Variants in INVS observed in about 807,000 individuals in gnomAD.
INVS encodes inversion of embryo turning homolog.
Under a neutral mutation model 108.8 loss-of-function variants are expected in INVS, and 86 were observed. The observed-to-expected ratio is 0.79, with a 90% CI of 0.66 to 0.95. INVS has a LOEUF of 0.95. Ranked by LOEUF, INVS falls within the 40% of genes least tolerant of loss-of-function variation. The pLI, the probability that INVS is intolerant of heterozygous loss-of-function variation, is 0.00. For synonymous variants in INVS, 455 were observed against 473.5 expected (o/e 0.96, Z 0.51); for missense variants, 1,169 against 1,297.4 (o/e 0.90, Z 1.52).
intron 3 of INVS, among the ~76,000 whole-genome samples, chr9:100,133,704 G>C (rs1488586551): frequency 6.8e-6 from 1 of 147,442 alleles, no homozygotes; most frequent in Non-Finnish European, 1.5e-5. Flanking sequence ...CAACATTTTT[G>C]TTGAGAATGT....
chr9:100,252,774 G>A, intron 9 of INVS, 133 bp from the exon 10 acceptor site: 1 of 730,640 alleles, frequency 1.4e-6, no homozygotes, highest in South Asian at 1.6e-5. Flanking sequence ...AAGCATTAAA[G>A]GAACAATTGT....
At position 100,151,998 on chromosome 9, in the gene INVS, A is replaced by G. The variant is rs146406541; in HGVS notation, c.273+25449A>G. On this transcript the variant is annotated intron_variant, in intron 3 of 16. Transcript: ENST00000262457. Reference sequence around the variant, plus strand: ...ACTGCCTAAACTACGTCCTATATTAATATGGCCGTGGTTGTTGGACCCAAA... The same window carrying G: ...ACTGCCTAAACTACGTCCTATATTAGTATGGCCGTGGTTGTTGGACCCAAA... Among the ~76,000 whole-genome samples the G allele has an allele frequency of 8.0e-4, 122 of 152,320 alleles. 1 individual carries two copies. Among genetic ancestry groups the G allele is most frequent in the East Asian group, 7.7e-4 (4 of 5,184 alleles).
Position 100,292,622 on chromosome 9 carries a change from G to GC in INVS, c.2371dup (p.Gln791ProfsTer19), listed in dbSNP as rs754507591. 7.4e-6 allele frequency: 12 copies of GC among 1,614,138 alleles called. No individual in the cohort carries two copies. In the South Asian group the frequency reaches 8.8e-5, roughly 12 times the overall value. ...TGACACAGAACCCAAGGCCAAATGT[G>GC]CCCCCCAGAAAAGGCGCACTCAAGA... On this transcript the variant is annotated frameshift_variant, in exon 14 of 17. Transcript: ENST00000262457. LOFTEE classifies it high-confidence loss of function.
intron 3 of INVS, among the ~76,000 whole-genome samples, chr9:100,157,764 G>A (rs1388340609): frequency 6.6e-6 from 1 of 152,148 alleles, no homozygotes; most frequent in African/African-American, 2.4e-5. Flanking sequence ...AATTCCTGCA[G>A]TTCCTTACAT....
At chr9:100,129,949 A>T (rs948600363) in intron 3 of INVS, 17 of 418,776 alleles carry the variant, frequency 4.1e-5, no homozygotes, top group African/African-American at 2.4e-4. Context: ...TCTGGATACA[A>T]ATTCCTCACA....
At chr9:100,152,095 T>G (rs1339239468) in intron 3 of INVS, among the ~76,000 whole-genome samples, 2 of 152,200 alleles carry the variant, frequency 1.3e-5, no homozygotes, top group African/African-American at 4.8e-5. Context: ...ATTGTATCCT[T>G]TGTTCCTCCA....
chr9:100,210,260 A>G (rs756289311), intron 3 of INVS, among the ~76,000 whole-genome samples: 2 of 152,158 alleles, frequency 1.3e-5, no homozygotes, highest in Non-Finnish European at 2.9e-5. Flanking sequence ...GCATGTAATA[A>G]GTGGATCCAA....
At position 100,292,534 on chromosome 9, in the gene INVS, C is replaced by T; in HGVS notation, c.2277C>T (p.Asp759=). The change falls in exon 14 of 17, where the codon GAC becomes GAT. Residue 759 remains aspartate (D), a synonymous_variant. Coordinates refer to ENST00000262457, the MANE Select transcript of INVS (RefSeq NM_014425.5). The part of the protein sequence containing the change: ...RVAGPDEKGE[D]SRRAAASLPP... ...CTGGGCCTGATGAGAAAGGAGAGGA[C>T]TCCAGGCGGGCAGCTGCAAGCCTTC... The T allele has an allele frequency of 6.2e-7, 1 of 1,614,164 alleles. No individual in the cohort carries two copies. Among genetic ancestry groups the T allele is most frequent in the Non-Finnish European group, 8.5e-7 (1 of 1,180,028 alleles).
At chr9:100,230,591 T>C (rs989571374) in intron 5 of INVS, among the ~76,000 whole-genome samples, 7 of 152,338 alleles carry the variant, frequency 4.6e-5, no homozygotes, top group Middle Eastern at 3.4e-3. Flanking sequence ...TGATCTCGGC[T>C]TACTGCAGCC....
At chr9:100,237,520 T>G (rs2118478970) in intron 5 of INVS, among the ~76,000 whole-genome samples, 1 of 152,168 alleles carries the variant, frequency 6.6e-6, no homozygotes, top group East Asian at 1.9e-4. Context: ...AGTCTGAAGG[T>G]TCTAAAAACC....
intron 2 of INVS, among the ~76,000 whole-genome samples, chr9:100,119,909 A>G (rs1043625081): frequency 2.0e-5 from 3 of 152,168 alleles, no homozygotes; most frequent in Non-Finnish European, 4.4e-5. Context: ...TTGTTTCTCT[A>G]TATGCACATT....
At chr9:100,126,799 T>C (rs1459642068) in intron 3 of INVS, among the ~76,000 whole-genome samples, 1 of 152,128 alleles carries the variant, frequency 6.6e-6, no homozygotes. Context: ...AAAAAAGTGA[T>C]CAAATTTATA....
chr9:100,224,401 A>G (rs763848772), intron 3 of INVS, among the ~76,000 whole-genome samples: 2 of 152,158 alleles, frequency 1.3e-5, no homozygotes, highest in African/African-American at 2.4e-5. Flanking sequence ...ATCAGGCAAT[A>G]CTGTTTGGTC....
chr9:100,290,133 T>C (rs1833568633), intron 13 of INVS, among the ~76,000 whole-genome samples: 1 of 151,996 alleles, frequency 6.6e-6, no homozygotes, highest in South Asian at 2.1e-4. Context: ...ATGTGAAACA[T>C]TGTAACAGCT....
Position 100,300,788 on chromosome 9 carries a change from G to C in INVS, c.*114G>C. 1 of 734,470 alleles carries C rather than the reference G, an allele frequency of 1.4e-6. No homozygotes were observed. Among genetic ancestry groups the C allele is most frequent in the Non-Finnish European group, 2.4e-6 (1 of 415,910 alleles). The allele number at this position is 734,470 out of a possible 1,614,324, so 45.5% of individuals were successfully genotyped here. On this transcript the variant is annotated 3_prime_UTR_variant, in exon 17 of 17. Coordinates refer to ENST00000262457, the MANE Select transcript of INVS (RefSeq NM_014425.5). ...AAAACTTTAATATCCGTACCTGAAG[G>C]CTGATTCACCTAAAAATGTGTTAAC...
intron 10 of INVS, among the ~76,000 whole-genome samples, chr9:100,255,757 A>T (rs1832399247): frequency 6.6e-6 from 1 of 152,164 alleles, no homozygotes; most frequent in Non-Finnish European, 1.5e-5. Flanking sequence ...CATCCCAGGG[A>T]TGAAGCCCAC....
At chr9:100,281,062 G>T (rs1030359591) in intron 12 of INVS, among the ~76,000 whole-genome samples, 6 of 152,206 alleles carry the variant, frequency 3.9e-5, no homozygotes, top group Non-Finnish European at 7.3e-5. Flanking sequence ...ATTTTTAAAT[G>T]CTGCTAATGG....
intron 10 of INVS, among the ~76,000 whole-genome samples, chr9:100,257,432 G>T (rs567084830): frequency 1.3e-5 from 2 of 152,180 alleles, no homozygotes; most frequent in Admixed American, 1.3e-4. Context: ...TGTTATGTGT[G>T]AATTTGATCC....
chr9:100,231,834 A>C (rs562536642), intron 5 of INVS, among the ~76,000 whole-genome samples: 1 of 152,278 alleles, frequency 6.6e-6, no homozygotes, highest in African/African-American at 2.4e-5. Context: ...GTGTCTTTAT[A>C]GTAGAATGAT....
Sources: gnomAD v4.1 joint callset for allele counts (sites outside exome capture counted in the v4.1 genomes callset) on GRCh38, gnomAD v4.1.1 for gene constraint, MANE v1.5 for transcripts, NCBI Gene and HGNC (gene_info 2026-07-23, HGNC 2026-07-21) for gene names.